Variants in CALN1 observed in about 807,000 individuals in gnomAD.
CALN1 encodes the protein calneuron 1.
A neutral mutation model predicts 30.6 loss-of-function variants in CALN1; 17 were observed. The observed-to-expected ratio is 0.56, with a 90% CI of 0.38 to 0.83. CALN1 has a LOEUF of 0.83. Ranked by LOEUF, CALN1 falls within the 40% of genes least tolerant of loss-of-function variation. CALN1 has a pLI of 0.00. For missense variants in CALN1, 291 were observed against 354.9 expected (o/e 0.82, Z 1.45); for synonymous variants, 156 against 131.4 (o/e 1.19, Z -1.28).
chr7:72,497,191 G>A, the CALN1 span, among the ~76,000 whole-genome samples: 2 of 152,308 alleles, frequency 1.3e-5, no homozygotes, highest in South Asian at 4.1e-4. Flanking sequence ...TGTAATCCTA[G>A]CACTTTGGGA....
intron 5 of CALN1, among the ~76,000 whole-genome samples, chr7:71,981,489 C>A (rs558439397): frequency 7.2e-5 from 11 of 152,128 alleles, no homozygotes; most frequent in African/African-American, 2.7e-4. Flanking sequence ...CATGGTGAAA[C>A]TCTGCCTCTA....
At chr7:72,465,531 T>G in the CALN1 span, among the ~76,000 whole-genome samples, 481 of 152,282 alleles carry the variant, frequency 3.2e-3, 6 homozygotes, top group Admixed American at 3.7e-3. Context: ...CACCCCTGAC[T>G]GCTGCAGCCA....
chr7:72,351,436 T>G (rs1802911094), intron 2 of CALN1, among the ~76,000 whole-genome samples: 1 of 152,172 alleles, frequency 6.6e-6, no homozygotes, highest in Admixed American at 6.5e-5. Context: ...AAATAAAAAG[T>G]TTGTCATTAT....
At chr7:71,817,073 TA>T (rs1414674057) in intron 5 of CALN1, among the ~76,000 whole-genome samples, 4 of 152,212 alleles carry the variant, frequency 2.6e-5, no homozygotes, top group African/African-American at 7.2e-5. Flanking sequence ...TAGCATTCCA[TA>T]TATCACCTAT....
chr7:72,230,338 A>T (rs1389483329), intron 3 of CALN1, among the ~76,000 whole-genome samples: 2 of 125,054 alleles, frequency 1.6e-5, no homozygotes, highest in African/African-American at 6.5e-5. Context: ...TCTACAATAG[A>T]TACTAAAAAA....
chr7:71,801,393 T>C (rs1164553538), intron 6 of CALN1, among the ~76,000 whole-genome samples: 2 of 113,210 alleles, frequency 1.8e-5, no homozygotes, highest in African/African-American at 6.6e-5. Context: ...TGTATGTATG[T>C]ATGTATGTAT....
At chr7:71,975,886 T>TCC (rs1798077822) in intron 5 of CALN1, among the ~76,000 whole-genome samples, 1 of 150,710 alleles carries the variant, frequency 6.6e-6, no homozygotes, top group South Asian at 2.1e-4. Flanking sequence ...CACATTAGGT[T>TCC]AGGTTGGTGC....
At chr7:71,848,399 C>T (rs1021141446) in intron 5 of CALN1, among the ~76,000 whole-genome samples, 3 of 152,264 alleles carry the variant, frequency 2.0e-5, no homozygotes, top group Admixed American at 2.0e-4. Flanking sequence ...AAGAGGAAGA[C>T]CAAGAAGCAC....
chr7:71,972,498 A>C (rs2129526443), intron 5 of CALN1, among the ~76,000 whole-genome samples: 1 of 152,210 alleles, frequency 6.6e-6, no homozygotes, highest in Admixed American at 6.5e-5. Context: ...CAATACTTCC[A>C]CACAGGCAGA....
chr7:71,829,957 C>T (rs16869571), intron 5 of CALN1, among the ~76,000 whole-genome samples: 5,619 of 151,826 alleles, frequency 0.037, 361 homozygotes, highest in African/African-American at 0.13. Flanking sequence ...TGAGGACTTA[C>T]TGAAGAAGCC....
intron 4 of CALN1, among the ~76,000 whole-genome samples, chr7:72,076,731 G>A (rs1427507180): frequency 7.1e-6 from 1 of 140,020 alleles, no homozygotes; most frequent in African/African-American, 2.7e-5. Context: ...ACTCCTCAGA[G>A]ACTATCTCCT....
chr7:72,100,047 T>C (rs1289142624), intron 4 of CALN1, among the ~76,000 whole-genome samples: 3 of 152,112 alleles, frequency 2.0e-5, no homozygotes, highest in Non-Finnish European at 4.4e-5. Flanking sequence ...CAGGGAGGAT[T>C]TGCAATAATC....
intron 3 of CALN1, among the ~76,000 whole-genome samples, chr7:72,203,748 T>C (rs1791604613): frequency 6.6e-6 from 1 of 152,192 alleles, no homozygotes; most frequent in Admixed American, 6.5e-5. Flanking sequence ...GGCAACATCA[T>C]TTAAAAGGTG....
chr7:72,359,694 G>T (rs1447036937), intron 2 of CALN1, among the ~76,000 whole-genome samples: 1 of 152,056 alleles, frequency 6.6e-6, no homozygotes, highest in Non-Finnish European at 1.5e-5. Flanking sequence ...CCTGGATTGG[G>T]GCCGGGAAAG....
At chr7:71,850,982 G>C (rs1418383651) in intron 5 of CALN1, among the ~76,000 whole-genome samples, 2 of 152,122 alleles carry the variant, frequency 1.3e-5, no homozygotes, top group East Asian at 3.9e-4. Context: ...GGAGACTAAG[G>C]TGGGAGGATT....
intron 3 of CALN1, among the ~76,000 whole-genome samples, chr7:72,181,244 T>C (rs1789785121): frequency 6.7e-6 from 1 of 148,468 alleles, no homozygotes; most frequent in Non-Finnish European, 1.5e-5. Context: ...ATATATATTA[T>C]AAACATATAG....
chr7:72,359,472 CCTTT>C (rs796437819), intron 2 of CALN1, among the ~76,000 whole-genome samples: 69 of 152,274 alleles, frequency 4.5e-4, no homozygotes, highest in African/African-American at 1.5e-3. Context: ...TTGTTCTCTA[CCTTT>C]CTTTTTCACT....
chr7:71,990,846 G>A (rs374830553), intron 5 of CALN1, among the ~76,000 whole-genome samples: 6 of 152,044 alleles, frequency 3.9e-5, no homozygotes, highest in East Asian at 3.9e-4. Context: ...TTTCTTGTGC[G>A]AGGTCCAAGA....
At chr7:72,403,939 G>A (rs1332089698) in intron 1 of CALN1, among the ~76,000 whole-genome samples, 1 of 152,076 alleles carries the variant, frequency 6.6e-6, no homozygotes, top group South Asian at 2.1e-4. Flanking sequence ...GCAATCCCAG[G>A]GCAATACCCT....
Sources: gnomAD v4.1 joint callset for allele counts (sites outside exome capture counted in the v4.1 genomes callset) on GRCh38, gnomAD v4.1.1 for gene constraint, MANE v1.5 for transcripts, NCBI Gene and HGNC (gene_info 2026-07-23, HGNC 2026-07-21) for gene names.